ZFR2: variants seen among roughly 807,000 people sequenced by gnomAD.
ZFR2 encodes the protein zinc finger RNA-binding protein 2.
Under a neutral mutation model 105.7 loss-of-function variants are expected in ZFR2, and 104 were observed. The observed-to-expected ratio is 0.98, with a 90% CI of 0.84 to 1.16. The LOEUF is 1.16. Ranked by LOEUF, ZFR2 falls within the 50% of genes most tolerant of loss-of-function variation. ZFR2 has a pLI of 0.00. For synonymous variants in ZFR2, 634 were observed against 597.7 expected (o/e 1.06, Z -0.89); for missense variants, 1,425 against 1,355.5 (o/e 1.05, Z -0.80).
At chr19:3,822,040 A>T in intron 9 of ZFR2, 41 bp downstream of exon 9, 2 of 1,556,892 alleles carry the variant, frequency 1.3e-6, no homozygotes, top group South Asian at 2.4e-5. Context: ...GGGCCCTAGC[A>T]CAGCCCGGAC....
chr19:3,840,236 C>CTTGAGCTCTTGTTTGTT (rs1318463497), intron 1 of ZFR2, among the ~76,000 whole-genome samples: 1 of 151,054 alleles, frequency 6.6e-6, no homozygotes, highest in Non-Finnish European at 1.5e-5. Context: ...TTTTTGTTTG[C>CTTGAGCTCTTGTTTGTT]TTGTTTTACT....
intron 1 of ZFR2, among the ~76,000 whole-genome samples, chr19:3,859,907 C>T (rs1942272342): frequency 6.6e-6 from 1 of 151,976 alleles, no homozygotes; most frequent in African/African-American, 2.4e-5. Flanking sequence ...TTCTTTTTTT[C>T]TGACCATGAA....
At position 3,828,257 on chromosome 19, in the gene ZFR2, G is replaced by A. The variant is rs543885283; in HGVS notation, c.853-604C>T. 1.4e-4 allele frequency among the ~76,000 whole-genome samples: 21 copies of A among 151,570 alleles called. 1 individual carries two copies. The highest frequency in any genetic ancestry group is 4.6e-4 in the African/African-American group (19 of 41,252). On this transcript the variant is annotated intron_variant, in intron 5 of 18. Transcript: ENST00000262961. ...CCTCCTGGGTTCAAGCGATTCTCCC[G>A]CCTCAGCCTCCCAAGTAGCTGGGAC...
intron 1 of ZFR2, among the ~76,000 whole-genome samples, chr19:3,836,706 G>A (rs888013928): frequency 1.3e-5 from 2 of 152,126 alleles, no homozygotes; most frequent in Admixed American, 6.6e-5. Context: ...GAGGACATGC[G>A]GCACCATCGC....
At chr19:3,816,653 T>C in intron 13 of ZFR2, 21 bp downstream of exon 13, 1 of 1,583,810 alleles carries the variant, frequency 6.3e-7, no homozygotes, top group South Asian at 1.1e-5. Context: ...GAAGCAGCGA[T>C]GAGCAGGGCC....
intron 11 of ZFR2, 112 bp downstream of exon 11, chr19:3,820,070 C>A: frequency 9.5e-7 from 1 of 1,050,494 alleles, no homozygotes; most frequent in South Asian, 1.4e-5. Context: ...GAGCCCCATC[C>A]CCTGAGTACT....
chr19:3,849,471 T>C (rs1359664450), intron 1 of ZFR2, among the ~76,000 whole-genome samples: 1 of 152,220 alleles, frequency 6.6e-6, no homozygotes, highest in Admixed American at 6.5e-5. Flanking sequence ...GGGGCCGTTC[T>C]GGGCCCTGCA....
At chr19:3,833,958 G>A in intron 2 of ZFR2, among the ~76,000 whole-genome samples, 180 bp from the exon 3 acceptor site, 1 of 152,178 alleles carries the variant, frequency 6.6e-6, no homozygotes. Flanking sequence ...CAGGGGGCAG[G>A]GGGCAGGGGG....
chr19:3,812,764 A>C (rs192608679), intron 14 of ZFR2, among the ~76,000 whole-genome samples: 414 of 152,282 alleles, frequency 2.7e-3, no homozygotes, highest in Non-Finnish European at 5.4e-3. Context: ...TTAAAAAACA[A>C]AACAAAACAC....
intron 9 of ZFR2, 93 bp downstream of exon 9, chr19:3,821,988 A>ACGC: frequency 6.8e-7 from 1 of 1,475,242 alleles, no homozygotes; most frequent in Non-Finnish European, 9.0e-7. Context: ...GTCGGATCAC[A>ACGC]CGCGCGGAAG....
chr19:3,831,611 A>G, intron 4 of ZFR2, 49 bp downstream of exon 4: 1 of 1,526,952 alleles, frequency 6.5e-7, no homozygotes, highest in Non-Finnish European at 8.8e-7. Context: ...CACTGAGTTG[A>G]AGTGGGGACC....
chr19:3,861,146 T>G (rs1302548303), intron 1 of ZFR2, among the ~76,000 whole-genome samples: 1 of 152,006 alleles, frequency 6.6e-6, no homozygotes, highest in Non-Finnish European at 1.5e-5. Context: ...ATGCCGCCTC[T>G]CCACTCTCCG....
intron 1 of ZFR2, among the ~76,000 whole-genome samples, chr19:3,867,305 G>GT (rs920814195): frequency 0.013 from 135 of 10,240 alleles, 1 homozygote; most frequent in African/African-American, 0.1. Flanking sequence ...ATCAACTGTT[G>GT]GGGGGGGAAT....
intron 1 of ZFR2, among the ~76,000 whole-genome samples, chr19:3,857,323 A>G (rs1194645772): frequency 6.6e-6 from 1 of 152,052 alleles, no homozygotes; most frequent in Non-Finnish European, 1.5e-5. Flanking sequence ...CACAGGCGTG[A>G]GAACCAAACA....
At chr19:3,862,056 A>G (rs12972923) in intron 1 of ZFR2, among the ~76,000 whole-genome samples, 1 of 152,170 alleles carries the variant, frequency 6.6e-6, no homozygotes, top group Non-Finnish European at 1.5e-5. Context: ...TGACCCCCAG[A>G]ACCCCAGGAA....
chr19:3,805,991 C>G lies in ZFR2; in HGVS notation c.2778G>C (p.Gly926=). The change falls in exon 19 of 19, where the codon GGG becomes GGC. Residue 926 remains glycine, a synonymous_variant. Transcript: ENST00000262961. ...RGPGEGEEGA[G]EKKRGRRGGE... ...CGCCCCGCCGGCCCCGCTTCTTCTC[C>G]CCTGCGCCCTCCTCTCCCTCGCCAG... 2.6e-6 allele frequency: 4 copies of G among 1,545,140 alleles called. No homozygotes were observed. Among genetic ancestry groups the G allele is most frequent in the Non-Finnish European group, 3.5e-6 (4 of 1,147,444 alleles).
In ZFR2 at chr19:3,822,211, GAACA is replaced by G; in HGVS notation, c.1372-15_1372-12del. On this transcript the variant is annotated splice_polypyrimidine_tract_variant and intron_variant, in intron 8 of 18. Transcript: ENST00000262961. ...TTCGTCGCTGAACACCTGAGACACA[GAACA>G]GCCGCACGCGCACCAGGCACGAGGC... The G allele has an allele frequency of 5.1e-6, 8 of 1,574,980 alleles. No individual in the cohort carries two copies. The highest frequency in any genetic ancestry group is 1.8e-5 in the Admixed American group (1 of 54,358).
At chr19:3,811,504 G>C in intron 14 of ZFR2, 138 bp from the exon 15 acceptor site, 1 of 729,744 alleles carries the variant, frequency 1.4e-6, no homozygotes, top group South Asian at 1.8e-5. Context: ...ACCCAGGCTG[G>C]AGTGCAGTGG....
chr19:3,835,701 T>G (rs1446248759), intron 1 of ZFR2, among the ~76,000 whole-genome samples: 2 of 151,396 alleles, frequency 1.3e-5, no homozygotes, highest in Non-Finnish European at 3.0e-5. Flanking sequence ...TCCCAGCACC[T>G]TGGGAGGCCA....
Sources: gnomAD v4.1 joint callset for allele counts (sites outside exome capture counted in the v4.1 genomes callset) on GRCh38, gnomAD v4.1.1 for gene constraint, MANE v1.5 for transcripts, NCBI Gene and HGNC (gene_info 2026-07-23, HGNC 2026-07-21) for gene names.